STAC: variants seen among roughly 807,000 people sequenced by gnomAD.
The protein encoded by STAC is SH3 and cysteine-rich domain-containing protein.
STAC carries 43 observed loss-of-function variants against 48.8 expected under a neutral mutation model. The ratio of observed to expected loss-of-function variants is 0.88; its 90% CI spans 0.69 to 1.14. STAC has a LOEUF of 1.14. Ranked by LOEUF, STAC falls within the 50% of genes most tolerant of loss-of-function variation. The pLI is 0.00. For synonymous variants in STAC, 193 were observed against 179.5 expected (o/e 1.07, Z -0.60); for missense variants, 497 against 504.0 (o/e 0.99, Z 0.13).
At chr3:36,486,112 T>C in intron 4 of STAC, 22 bp from the exon 5 acceptor site, 1 of 1,597,636 alleles carries the variant, frequency 6.3e-7, no homozygotes, top group Non-Finnish European at 8.6e-7. Flanking sequence ...CTTCCTCAGA[T>C]GAACTTTCTC....
intron 2 of STAC, among the ~76,000 whole-genome samples, chr3:36,482,250 A>G (rs1697668875): frequency 6.6e-6 from 1 of 152,154 alleles, no homozygotes; most frequent in Admixed American, 6.5e-5. Context: ...AGCACCTGCC[A>G]TCTTCCTGAA....
chr3:36,468,364 A>G (rs1027953301), intron 2 of STAC, among the ~76,000 whole-genome samples: 15 of 152,050 alleles, frequency 9.9e-5, no homozygotes, highest in African/African-American at 3.6e-4. Flanking sequence ...AACAGAATGT[A>G]TATTCTGTAG....
intron 6 of STAC, among the ~76,000 whole-genome samples, chr3:36,495,649 G>A (rs1698133366): frequency 6.6e-6 from 1 of 152,264 alleles, no homozygotes; most frequent in Non-Finnish European, 1.5e-5. Flanking sequence ...TCCTTGAGGA[G>A]TTAGAACACA....
intron 5 of STAC, among the ~76,000 whole-genome samples, chr3:36,490,684 A>G (rs765780134): frequency 1.3e-5 from 2 of 152,182 alleles, no homozygotes; most frequent in African/African-American, 4.8e-5. Context: ...TATGACAAAC[A>G]GACCTCCTTG....
intron 1 of STAC, among the ~76,000 whole-genome samples, chr3:36,419,675 T>C (rs1700403638): frequency 6.6e-6 from 1 of 152,114 alleles, no homozygotes; most frequent in Non-Finnish European, 1.5e-5. Context: ...GAGCAGACAA[T>C]GGTTTATAAC....
intron 8 of STAC, among the ~76,000 whole-genome samples, chr3:36,527,322 T>C (rs1476133205): frequency 6.6e-6 from 1 of 152,170 alleles, no homozygotes; most frequent in Non-Finnish European, 1.5e-5. Context: ...TAACATTGCA[T>C]CCATGATGGA....
chr3:36,489,565 C>T (rs1273381854), intron 5 of STAC, among the ~76,000 whole-genome samples: 1 of 152,188 alleles, frequency 6.6e-6, no homozygotes, highest in African/African-American at 2.4e-5. Context: ...GTAATTTTCA[C>T]TTTTTTGTTT....
rs561511954 is a variant in STAC, at chr3:36,424,459, G to T, written c.112-18905G>T. 3.3e-5 allele frequency among the ~76,000 whole-genome samples: 5 copies of T among 152,250 alleles called. No individual in the cohort carries two copies. In the East Asian group the frequency reaches 9.7e-4, roughly 29 times the overall value. ...TATAGATACATACATATAGGTGTAT[G>T]TGTAGTCATTTATATATTCCCTAGC... is the stretch of plus-strand genomic sequence containing the variant. On this transcript the variant is annotated intron_variant, in intron 1 of 10. Coordinates refer to ENST00000273183, the MANE Select transcript of STAC (RefSeq NM_003149.3).
At chr3:36,519,494 A>G (rs1698751102) in intron 8 of STAC, among the ~76,000 whole-genome samples, 1 of 152,166 alleles carries the variant, frequency 6.6e-6, no homozygotes, top group Non-Finnish European at 1.5e-5. Flanking sequence ...TCCTAGGTTC[A>G]TTGTTCTAAG....
chr3:36,472,256 G>A (rs1487737946), intron 2 of STAC, among the ~76,000 whole-genome samples: 2 of 152,224 alleles, frequency 1.3e-5, no homozygotes, highest in African/African-American at 4.8e-5. Flanking sequence ...CTGGGACACA[G>A]GGCACCAAGT....
intron 2 of STAC, among the ~76,000 whole-genome samples, chr3:36,476,047 G>C (rs1385878675): frequency 2.6e-5 from 4 of 152,264 alleles, no homozygotes; most frequent in African/African-American, 9.6e-5. Flanking sequence ...GCCTCCAGGA[G>C]TCAGGGGCCA....
chr3:36,506,850 T>C (rs543540505), intron 8 of STAC, among the ~76,000 whole-genome samples: 1 of 152,322 alleles, frequency 6.6e-6, no homozygotes, highest in South Asian at 2.1e-4. Context: ...TTTCTAAATA[T>C]ACAATCATGT....
intron 1 of STAC, among the ~76,000 whole-genome samples, chr3:36,387,213 A>G (rs559537265): frequency 1.3e-5 from 2 of 152,166 alleles, no homozygotes; most frequent in African/African-American, 4.8e-5. Flanking sequence ...TTTATCATCA[A>G]CCTGAGTTGG....
intron 1 of STAC, among the ~76,000 whole-genome samples, chr3:36,399,901 C>T (rs1049944388): frequency 1.3e-5 from 2 of 152,182 alleles, no homozygotes; most frequent in Non-Finnish European, 2.9e-5. Context: ...AATTCTACGA[C>T]TTAGGCAGCC....
chr3:36,404,687 T>C (rs927993511), intron 1 of STAC, among the ~76,000 whole-genome samples: 2 of 152,066 alleles, frequency 1.3e-5, no homozygotes, highest in Non-Finnish European at 2.9e-5. Flanking sequence ...TAATCTGACA[T>C]GAACAAAGAA....
intron 8 of STAC, among the ~76,000 whole-genome samples, chr3:36,510,827 G>T (rs956356839): frequency 6.6e-6 from 1 of 151,980 alleles, no homozygotes; most frequent in Non-Finnish European, 1.5e-5. Context: ...GGCTAAGGGA[G>T]GTATAGCATT....
chr3:36,390,143 C>G (rs1162982493), intron 1 of STAC, among the ~76,000 whole-genome samples: 1 of 152,132 alleles, frequency 6.6e-6, no homozygotes. Flanking sequence ...GTGGCCTTAG[C>G]TCTCCTGTAA....
intron 1 of STAC, among the ~76,000 whole-genome samples, chr3:36,398,324 A>AAAGAAAGAAAGAAAGC: frequency 1.0e-5 from 1 of 95,694 alleles, no homozygotes; most frequent in Admixed American, 9.4e-5. Context: ...AGAAAGCAAG[A>AAAGAAAGAAAGAAAGC]AAGAAAGAAA....
At chr3:36,451,184 G>A (rs902438875) in intron 2 of STAC, among the ~76,000 whole-genome samples, 1 of 151,978 alleles carries the variant, frequency 6.6e-6, no homozygotes, top group South Asian at 2.1e-4. Context: ...CTTTTTAATA[G>A]CTTCTCATCT....
Sources: allele counts gnomAD v4.1 joint callset (sites outside exome capture counted in the v4.1 genomes callset), GRCh38; gene constraint gnomAD v4.1.1; transcripts MANE v1.5; gene names NCBI Gene and HGNC (gene_info 2026-07-23, HGNC 2026-07-21).